The following DPP10 variants were observed in gnomAD, a reference collection of about 807,000 sequenced individuals.
The protein encoded by DPP10 is inactive dipeptidyl peptidase 10.
A neutral mutation model predicts 120.9 loss-of-function variants in DPP10; 33 were observed. That is an observed-to-expected ratio of 0.27 (90% CI 0.21 to 0.37). The LOEUF is 0.37. Ranked by LOEUF, DPP10 falls within the 10% of genes least tolerant of loss-of-function variation. DPP10 has a pLI of 1.00. For missense variants in DPP10, 816 were observed against 942.8 expected (o/e 0.87, Z 1.76); for synonymous variants, 337 against 326.1 (o/e 1.03, Z -0.36).
At chr2:115,304,435 A>AT (rs1416435120) in intron 1 of DPP10, among the ~76,000 whole-genome samples, 9 of 152,072 alleles carry the variant, frequency 5.9e-5, no homozygotes, top group African/African-American at 2.2e-4. Flanking sequence ...AAATACAGAT[A>AT]TTTTTAAGAA....
chr2:115,757,411 G>A (rs534172655), intron 11 of DPP10, among the ~76,000 whole-genome samples: 3 of 152,206 alleles, frequency 2.0e-5, no homozygotes, highest in African/African-American at 7.2e-5. Flanking sequence ...GCAGAAGGCA[G>A]AGAGGAAGAA....
chr2:115,554,084 C>G (rs554100135), intron 5 of DPP10, among the ~76,000 whole-genome samples: 2 of 149,646 alleles, frequency 1.3e-5, no homozygotes, highest in East Asian at 2.0e-4. Flanking sequence ...ACTGAAAAAC[C>G]CTATCTTGCT....
intron 1 of DPP10, among the ~76,000 whole-genome samples, chr2:114,949,290 G>C (rs890327097): frequency 6.6e-6 from 1 of 152,040 alleles, no homozygotes; most frequent in African/African-American, 2.4e-5. Flanking sequence ...CAGCATGGGG[G>C]AAGCACCTCC....
At chr2:115,738,826 T>C (rs1032133389) in intron 8 of DPP10, among the ~76,000 whole-genome samples, 1 of 152,230 alleles carries the variant, frequency 6.6e-6, no homozygotes, top group African/African-American at 2.4e-5. Context: ...GAGTCCCAAG[T>C]GTTGGCACAT....
At chr2:115,781,036 A>G (rs1682703995) in intron 16 of DPP10, 41 bp downstream of exon 16, 1 of 1,477,536 alleles carries the variant, frequency 6.8e-7, no homozygotes, top group Non-Finnish European at 9.2e-7. Flanking sequence ...TATTTTATTC[A>G]TTGTATTTGG....
intron 1 of DPP10, among the ~76,000 whole-genome samples, chr2:114,951,505 G>C (rs1466006625): frequency 1.3e-5 from 2 of 151,986 alleles, no homozygotes; most frequent in African/African-American, 4.8e-5. Flanking sequence ...TTCCCACGTT[G>C]CTTCCATAAG....
intron 1 of DPP10, among the ~76,000 whole-genome samples, chr2:114,539,377 C>G (rs912054068): frequency 1.3e-5 from 2 of 151,974 alleles, no homozygotes; most frequent in African/African-American, 4.8e-5. Flanking sequence ...GAAGTTCCTT[C>G]CGACTGTATT....
At chr2:115,710,571 C>T (rs904552108) in intron 7 of DPP10, among the ~76,000 whole-genome samples, 4 of 152,134 alleles carry the variant, frequency 2.6e-5, no homozygotes, top group South Asian at 2.1e-4. Context: ...ATAATAGCAT[C>T]ATGGATTCAT....
chr2:114,891,530 C>T (rs1014047272), intron 1 of DPP10, among the ~76,000 whole-genome samples: 1 of 152,162 alleles, frequency 6.6e-6, no homozygotes, highest in African/African-American at 2.4e-5. Context: ...AGTAGGCAGA[C>T]TTGCAGAAGT....
chr2:115,217,712 C>G (rs187950114), intron 1 of DPP10, among the ~76,000 whole-genome samples: 28 of 152,290 alleles, frequency 1.8e-4, no homozygotes, highest in African/African-American at 6.3e-4. Context: ...TGGAAAATCA[C>G]ACCATTGCGG....
chr2:114,809,061 C>G (rs889844209), intron 1 of DPP10, among the ~76,000 whole-genome samples: 6 of 152,008 alleles, frequency 3.9e-5, no homozygotes, highest in African/African-American at 1.4e-4. Context: ...ACTTACCTAG[C>G]TGTGTGATAA....
intron 1 of DPP10, among the ~76,000 whole-genome samples, chr2:114,814,848 G>A (rs1279220551): frequency 1.3e-5 from 2 of 152,160 alleles, no homozygotes; most frequent in African/African-American, 4.8e-5. Context: ...CTTTCCTTCA[G>A]TTGCTGCTGT....
chr2:114,856,072 G>A (rs2106508637), intron 1 of DPP10, among the ~76,000 whole-genome samples: 1 of 151,910 alleles, frequency 6.6e-6, no homozygotes, highest in East Asian at 1.9e-4. Flanking sequence ...AAAAAAAGAA[G>A]AAAAATAAAG....
At chr2:115,205,896 A>G (rs901353073) in intron 1 of DPP10, among the ~76,000 whole-genome samples, 3 of 152,156 alleles carry the variant, frequency 2.0e-5, no homozygotes, top group Non-Finnish European at 4.4e-5. Flanking sequence ...AGGGAGTGGT[A>G]CAAGGATTGA....
intron 3 of DPP10, among the ~76,000 whole-genome samples, chr2:115,474,233 C>A (rs1186820580): frequency 3.9e-5 from 6 of 152,076 alleles, no homozygotes; most frequent in Admixed American, 3.3e-4. Context: ...TCTCAAGGTT[C>A]AAGAGAAAAC....
chr2:115,774,176 A>G (rs1219857028), intron 13 of DPP10, among the ~76,000 whole-genome samples: 2 of 150,284 alleles, frequency 1.3e-5, no homozygotes, highest in Admixed American at 6.7e-5. Context: ...TGGCAATTTT[A>G]ATGTTGTATC....
At chr2:114,742,470 T>C (rs1678158726) in intron 1 of DPP10, among the ~76,000 whole-genome samples, 1 of 152,218 alleles carries the variant, frequency 6.6e-6, no homozygotes, top group Non-Finnish European at 1.5e-5. Flanking sequence ...AAATCTTGCA[T>C]CACAATTAAT....
chr2:115,398,153 G>C (rs2067816617), intron 3 of DPP10, among the ~76,000 whole-genome samples: 1 of 147,022 alleles, frequency 6.8e-6, no homozygotes. Flanking sequence ...GCATTTCCCT[G>C]GAGTTTTTCA....
intron 1 of DPP10, among the ~76,000 whole-genome samples, chr2:115,166,605 TAAG>T (rs1182043306): frequency 8.1e-6 from 1 of 122,794 alleles, no homozygotes; most frequent in East Asian, 1.9e-4. Context: ...TTTTGTTTAT[TAAG>T]AACATACAAC....
Sources: allele counts gnomAD v4.1 joint callset (sites outside exome capture counted in the v4.1 genomes callset), GRCh38; gene constraint gnomAD v4.1.1; transcripts MANE v1.5; gene names NCBI Gene and HGNC (gene_info 2026-07-23, HGNC 2026-07-21).